Variants in DIAPH2 observed in about 807,000 individuals in gnomAD.
DIAPH2 encodes the protein diaphanous related formin 2.
In DIAPH2, 35 loss-of-function variants were observed where a neutral mutation model predicts 92.7. The ratio of observed to expected loss-of-function variants is 0.38; its 90% CI spans 0.29 to 0.50. The LOEUF is 0.50. Among genes scored for constraint, DIAPH2 ranks in the 20% least tolerant of loss-of-function variants. The probability of loss-of-function intolerance (pLI) is 0.94; values close to 1 mark genes in which losing one functional copy is unlikely to be tolerated. For synonymous variants in DIAPH2, 301 were observed against 280.4 expected, an observed-to-expected ratio of 1.07 and a Z score of -0.73; for missense variants, 701 against 819.5, an observed-to-expected ratio of 0.86 and a Z score of 1.77.
At chrX:97,071,586 G>T (rs1334761260) in intron 17 of DIAPH2, among the ~76,000 whole-genome samples, 1 of 111,033 alleles carries the variant, frequency 9.0e-6, no homozygotes, top group Non-Finnish European at 1.9e-5. Context: ...AGTTATCCAG[G>T]TAATTTATTT....
intron 4 of DIAPH2, among the ~76,000 whole-genome samples, chrX:96,849,568 T>C: frequency 8.9e-6 from 1 of 111,782 alleles, no homozygotes; most frequent in Non-Finnish European, 1.9e-5. Flanking sequence ...TCATGATTGC[T>C]ATTAAAGATA....
Position 96,696,721 on chromosome X carries a change from T to G in DIAPH2, c.132+11531T>G, listed in dbSNP as rs185911305. ...TTTGGTTCAGTGACCAAGTACAGTA[T>G]GCAAGCCTTCCCAGAGATGATTCTC... is the stretch of plus-strand genomic sequence containing the variant. On this transcript the variant is annotated intron_variant, in intron 1 of 26. Coordinates refer to ENST00000324765, the MANE Select transcript of DIAPH2 (RefSeq NM_006729.5). 2.6e-3 allele frequency among the ~76,000 whole-genome samples: 288 copies of G among 111,975 alleles called. 2 individuals are homozygous for G. Among genetic ancestry groups the G allele is most frequent in the African/African-American group, 8.7e-3 (270 of 30,875 alleles).
chrX:97,053,501 A>C (rs1389755784), intron 17 of DIAPH2, among the ~76,000 whole-genome samples: 1 of 111,393 alleles, frequency 9.0e-6, no homozygotes, highest in Non-Finnish European at 1.9e-5. Flanking sequence ...TTTCCTAAAC[A>C]TGAGATATTG....
chrX:97,470,968 G>C (rs923998189), intron 26 of DIAPH2, among the ~76,000 whole-genome samples: 1 of 111,526 alleles, frequency 9.0e-6, no homozygotes, highest in African/African-American at 3.3e-5. Context: ...AAGGGTGTGA[G>C]ACTTAGTTTG....
At chrX:97,527,416 G>T (rs1372516897) in intron 26 of DIAPH2, among the ~76,000 whole-genome samples, 1 of 112,001 alleles carries the variant, frequency 8.9e-6, no homozygotes, top group African/African-American at 3.2e-5. Flanking sequence ...ATATCAGCGT[G>T]TGTTTTTCAA....
chrX:97,071,521 C>G (rs2066669328), intron 17 of DIAPH2, among the ~76,000 whole-genome samples: 1 of 111,435 alleles, frequency 9.0e-6, no homozygotes, highest in Non-Finnish European at 1.9e-5. Flanking sequence ...TCTCCTTAGA[C>G]TGCACATAAC....
rs150972115 is a variant in DIAPH2 at position 96,868,927 on chromosome X, T to G, written c.448-12652T>G. On this transcript the variant is annotated intron_variant, in intron 4 of 26. Coordinates refer to ENST00000324765, the MANE Select transcript of DIAPH2 (RefSeq NM_006729.5). ...GTGAATGTGTGTGCAGAGAATATAGTGTCCAATTAAAATTTTATGCTTTAA... is the reference window on the plus strand; with the variant it reads ...GTGAATGTGTGTGCAGAGAATATAGGGTCCAATTAAAATTTTATGCTTTAA... Among the ~76,000 whole-genome samples the G allele has an allele frequency of 1.7e-3, 187 of 112,009 alleles. 2 individuals are homozygous for G. Among genetic ancestry groups the G allele is most frequent in the African/African-American group, 5.8e-3 (180 of 30,879 alleles).
intron 23 of DIAPH2, among the ~76,000 whole-genome samples, chrX:97,261,757 T>C (rs561435240): frequency 9.0e-6 from 1 of 110,649 alleles, no homozygotes; most frequent in East Asian, 2.8e-4. Context: ...AGAAATGAAA[T>C]AATAATTCCA....
In DIAPH2 at chrX:97,411,321, A is replaced by G. The variant is rs1355832271; in HGVS notation, c.3146-18329A>G. On this transcript the variant is annotated intron_variant, in intron 25 of 26. Transcript: ENST00000324765. ...CCAAACTAAGCTTCATAAGTGAAGG[A>G]CAAATAAAATCCTTTACAGACAAAC... Among the ~76,000 whole-genome samples, 3 of 112,078 alleles carry G rather than the reference A, an allele frequency of 2.7e-5. No homozygotes were observed. The East Asian group carries it at 8.4e-4, about 31-fold the overall frequency.
intron 17 of DIAPH2, among the ~76,000 whole-genome samples, chrX:97,002,475 G>T (rs1179143197): frequency 9.0e-6 from 1 of 110,982 alleles, no homozygotes; most frequent in Admixed American, 9.6e-5. Flanking sequence ...AGACCATATT[G>T]ATTCATAGAA....
chrX:97,058,546 C>T (rs1569290946), intron 17 of DIAPH2, among the ~76,000 whole-genome samples: 1 of 104,331 alleles, frequency 9.6e-6, no homozygotes, highest in Non-Finnish European at 1.9e-5. Flanking sequence ...CTTATTGAAA[C>T]ATTTTCCTTT....
At chrX:96,690,577 T>C (rs1179708917) in intron 1 of DIAPH2, among the ~76,000 whole-genome samples, 2 of 111,855 alleles carry the variant, frequency 1.8e-5, no homozygotes, top group African/African-American at 6.5e-5. Flanking sequence ...TACCATAATA[T>C]GGTTATATGT....
chrX:97,303,357 CT>C (rs757590683), intron 23 of DIAPH2, among the ~76,000 whole-genome samples: 2 of 111,765 alleles, frequency 1.8e-5, no homozygotes, highest in Admixed American at 1.9e-4. Flanking sequence ...TGACACCCAA[CT>C]ATAGTTTGTG....
chrX:97,287,116 C>T (rs1332095063), intron 23 of DIAPH2, among the ~76,000 whole-genome samples: 4 of 111,179 alleles, frequency 3.6e-5, no homozygotes. Context: ...TTTTTGGAGC[C>T]TGGACAACAT....
chrX:97,004,819 A>G (rs776887417), intron 17 of DIAPH2, among the ~76,000 whole-genome samples: 2 of 111,964 alleles, frequency 1.8e-5, no homozygotes, highest in Non-Finnish European at 3.8e-5. Context: ...TGCTCTAGCT[A>G]GGGCTTCCAG....
At chrX:96,951,690 G>A (rs1569433755) in intron 15 of DIAPH2, among the ~76,000 whole-genome samples, 2 of 111,310 alleles carry the variant, frequency 1.8e-5, no homozygotes, top group African/African-American at 6.5e-5. Flanking sequence ...TATTCAATTT[G>A]CAATACGATG....
intron 22 of DIAPH2, among the ~76,000 whole-genome samples, chrX:97,148,852 T>C (rs1028621664): frequency 1.8e-4 from 20 of 111,481 alleles, no homozygotes; most frequent in Non-Finnish European, 1.1e-4. Context: ...AGGACACCGG[T>C]ATTTAACAAT....
At chrX:97,521,059 A>G (rs2070987389) in intron 26 of DIAPH2, among the ~76,000 whole-genome samples, 1 of 111,311 alleles carries the variant, frequency 9.0e-6, no homozygotes, top group Non-Finnish European at 1.9e-5. Flanking sequence ...TGATTAGGTC[A>G]TGAAGGCTCT....
chrX:96,844,268 T>C (rs898277953), intron 4 of DIAPH2, among the ~76,000 whole-genome samples: 1 of 112,508 alleles, frequency 8.9e-6, no homozygotes, highest in African/African-American at 3.2e-5. Flanking sequence ...GCACCAAAAA[T>C]CCACATTCAT....
Sources: gnomAD v4.1 joint callset for allele counts (sites outside exome capture counted in the v4.1 genomes callset) on GRCh38, gnomAD v4.1.1 for gene constraint, MANE v1.5 for transcripts, NCBI Gene and HGNC (gene_info 2026-07-23, HGNC 2026-07-21) for gene names.